Variants in SERPINI1 observed in about 807,000 individuals in gnomAD.
The protein encoded by SERPINI1 is neuroserpin.
A neutral mutation model predicts 41.1 loss-of-function variants in SERPINI1; 19 were observed. That is an observed-to-expected ratio of 0.46 (90% CI 0.32 to 0.68). The LOEUF is 0.68. SERPINI1 is among the 30% of genes least tolerant of loss of function. SERPINI1 has a pLI of 0.03. For missense variants in SERPINI1, 460 were observed against 479.2 expected (o/e 0.96, Z 0.37); for synonymous variants, 138 against 156.6 (o/e 0.88, Z 0.89).
At chr3:167,793,831 CATAT>C (rs1179677512) in intron 4 of SERPINI1, among the ~76,000 whole-genome samples, 232 of 110,564 alleles carry the variant, frequency 2.1e-3, no homozygotes, top group African/African-American at 8.1e-3. Context: ...TCATTTTGGC[CATAT>C]GTATGTGTGT....
At chr3:167,748,977 GAA>G (rs1725956436) in intron 1 of SERPINI1, among the ~76,000 whole-genome samples, 1 of 152,062 alleles carries the variant, frequency 6.6e-6, no homozygotes. Context: ...AGCAGGAAAA[GAA>G]AGAATAATTG....
intron 6 of SERPINI1, 77 bp downstream of exon 6, chr3:167,807,418 T>C (rs1577429735): frequency 1.0e-6 from 1 of 955,320 alleles, no homozygotes; most frequent in African/African-American, 1.6e-5. Flanking sequence ...ATCCTCTATT[T>C]ACTATGGAGT....
At chr3:167,760,738 A>T (rs1371815675) in intron 1 of SERPINI1, among the ~76,000 whole-genome samples, 3 of 152,144 alleles carry the variant, frequency 2.0e-5, no homozygotes, top group Non-Finnish European at 4.4e-5. Flanking sequence ...CCTTTCCTTC[A>T]TTGGTTTCAA....
intron 8 of SERPINI1, 24 bp downstream of exon 8, chr3:167,824,586 T>C (rs1308445405): frequency 4.1e-6 from 6 of 1,466,864 alleles, no homozygotes; most frequent in East Asian, 2.3e-5. Context: ...GAAAACAAAA[T>C]TTTATTTAAT....
intron 6 of SERPINI1, among the ~76,000 whole-genome samples, chr3:167,813,601 C>T (rs1282900212): frequency 6.6e-6 from 1 of 152,186 alleles, no homozygotes; most frequent in Non-Finnish European, 1.5e-5. Flanking sequence ...TTTGACCTGA[C>T]ATTCCTCTTC....
rs1408980015 is a variant in SERPINI1, at chr3:167,760,603, G to GTT, written c.-19+24781_-19+24782insTT. On this transcript the variant is annotated intron_variant, in intron 1 of 8. Coordinates refer to ENST00000446050, the MANE Select transcript of SERPINI1 (RefSeq NM_001122752.2). The stretch of plus-strand genomic sequence containing the variant: ...TGTGTGTGTGTGTGTGTGTGTGTGT[G>GTT]TGTGTGTCTTAACTGTGTTACAGCA... Among the ~76,000 whole-genome samples, 5 of 115,272 alleles carry GTT rather than the reference G, an allele frequency of 4.3e-5. No homozygotes were observed. In the East Asian group the frequency reaches 1.1e-3, roughly 26 times the overall value. 75.6% of individuals were successfully genotyped at this position (115,272 alleles called of 152,430 possible).
At chr3:167,738,346 GA>G (rs1413435051) in intron 1 of SERPINI1, among the ~76,000 whole-genome samples, 2 of 152,050 alleles carry the variant, frequency 1.3e-5, no homozygotes, top group African/African-American at 4.8e-5. Flanking sequence ...CTTTTCTTTA[GA>G]GTTCTGATTC....
At chr3:167,798,298 A>G (rs1435644416) in intron 5 of SERPINI1, among the ~76,000 whole-genome samples, 1 of 152,172 alleles carries the variant, frequency 6.6e-6, no homozygotes, top group Non-Finnish European at 1.5e-5. Flanking sequence ...GGTAATTATC[A>G]TGTATCAATT....
At chr3:167,822,684 C>T (rs2108575174) in intron 6 of SERPINI1, among the ~76,000 whole-genome samples, 1 of 152,072 alleles carries the variant, frequency 6.6e-6, no homozygotes, top group Admixed American at 6.5e-5. Flanking sequence ...TTAGTCTTGA[C>T]TTATGAAATA....
At chr3:167,810,970 A>C (rs543281518) in intron 6 of SERPINI1, among the ~76,000 whole-genome samples, 5 of 152,194 alleles carry the variant, frequency 3.3e-5, no homozygotes, top group African/African-American at 9.6e-5. Context: ...GCAACTCCTC[A>C]TCCATTTAAA....
chr3:167,741,583 C>T (rs550957239), intron 1 of SERPINI1, among the ~76,000 whole-genome samples: 1 of 152,262 alleles, frequency 6.6e-6, no homozygotes, highest in South Asian at 2.1e-4. Flanking sequence ...TTTTTATACC[C>T]GTTAGTAGTA....
chr3:167,781,647 T>C (rs1231255125), intron 1 of SERPINI1, among the ~76,000 whole-genome samples: 2 of 148,132 alleles, frequency 1.4e-5, no homozygotes, highest in Admixed American at 1.3e-4. Flanking sequence ...TTTTTTTTTT[T>C]TTTTTTTTTT....
chr3:167,774,966 A>C (rs893462466), intron 1 of SERPINI1, among the ~76,000 whole-genome samples: 1 of 152,228 alleles, frequency 6.6e-6, no homozygotes, highest in African/African-American at 2.4e-5. Flanking sequence ...ACAAGCTACA[A>C]ATATAATACA....
At chr3:167,778,820 T>C (rs1727034938) in intron 1 of SERPINI1, among the ~76,000 whole-genome samples, 1 of 152,220 alleles carries the variant, frequency 6.6e-6, no homozygotes, top group Non-Finnish European at 1.5e-5. Context: ...GGGAAGAGGC[T>C]ATTGTCATCA....
intron 1 of SERPINI1, among the ~76,000 whole-genome samples, chr3:167,740,218 A>G (rs1270144905): frequency 1.3e-5 from 2 of 152,028 alleles, no homozygotes; most frequent in Non-Finnish European, 2.9e-5. Flanking sequence ...TTTTATAGAG[A>G]TAAGGGTCTC....
Position 167,790,353 on chromosome 3 carries a change from AT to A in SERPINI1, c.251-18del. 6.6e-7 allele frequency: 1 copy of A among 1,526,104 alleles called. No individual in the cohort carries two copies. The highest frequency in any genetic ancestry group is 1.4e-5 in the African/African-American group (1 of 73,278). The allele number at this position is 1,526,104 out of a possible 1,614,324, so 94.5% of individuals were successfully genotyped here. A position where few individuals can be genotyped will look rare whatever the true frequency, so the allele number is the denominator to read the frequency against. ...CCGTGTTTGTTCTACAAATAAACTT[AT>A]CCTTTCTCATCTTTCAGGTGAAGAA... On this transcript the variant is annotated intron_variant, in intron 2 of 8. Transcript: ENST00000446050.
At chr3:167,808,554 A>G (rs897182306) in intron 6 of SERPINI1, among the ~76,000 whole-genome samples, 2 of 152,220 alleles carry the variant, frequency 1.3e-5, no homozygotes, top group Non-Finnish European at 2.9e-5. Flanking sequence ...GCCTCTTTAT[A>G]TGCAAATTAT....
intron 1 of SERPINI1, among the ~76,000 whole-genome samples, chr3:167,747,411 G>A (rs1225510887): frequency 6.6e-6 from 1 of 152,160 alleles, no homozygotes; most frequent in Non-Finnish European, 1.5e-5. Context: ...TTGGGAGGCC[G>A]AGGCAGGCGG....
chr3:167,755,851 C>T (rs930269080), intron 1 of SERPINI1, among the ~76,000 whole-genome samples: 4 of 141,760 alleles, frequency 2.8e-5, no homozygotes, highest in Non-Finnish European at 4.5e-5. Flanking sequence ...AGCTGCATGA[C>T]GGATGAATAA....
Sources: allele counts gnomAD v4.1 joint callset (sites outside exome capture counted in the v4.1 genomes callset), GRCh38; gene constraint gnomAD v4.1.1; transcripts MANE v1.5; gene names NCBI Gene and HGNC (gene_info 2026-07-23, HGNC 2026-07-21).